SHH: variants seen among roughly 807,000 people sequenced by gnomAD.
The protein encoded by SHH is sonic hedgehog protein.
In SHH, 3 loss-of-function variants were observed where a neutral mutation model predicts 16.6. That is an observed-to-expected ratio of 0.18 (90% CI 0.08 to 0.47). The LOEUF (loss-of-function observed/expected upper bound fraction) is 0.47, where lower values mean the gene tolerates loss of function less well. Ranked by LOEUF, SHH falls within the 20% of genes least tolerant of loss-of-function variation. SHH has a pLI of 0.98. For synonymous variants in SHH, 351 were observed against 316.2 expected, an observed-to-expected ratio of 1.11 and a Z score of -1.17; for missense variants, 499 against 665.0, an observed-to-expected ratio of 0.75 and a Z score of 2.75.
At chr7:155,806,921 C>T in intron 1 of SHH, 3 of 333,474 alleles carry the variant, frequency 9.0e-6, no homozygotes, top group East Asian at 7.2e-5. Flanking sequence ...GGGGCACCCT[C>T]TGGGATACCC....
Position 155,802,891 on chromosome 7 carries a change from C to A in SHH, c.*9G>T. 7.3e-7 allele frequency: 1 copy of A among 1,361,546 alleles called. No individual in the cohort carries two copies. The highest frequency in any genetic ancestry group is 2.0e-5 in the South Asian group (1 of 49,350). 84.3% of individuals were successfully genotyped at this position (1,361,546 alleles called of 1,614,324 possible). On this transcript the variant is annotated 3_prime_UTR_variant, in exon 3 of 3. Coordinates refer to ENST00000297261, the MANE Select transcript of SHH (RefSeq NM_000193.4). ...CCCCCTCCCGCGCCCCTCCCCCGGCCCCCCGGCTTCAGCTGGACTTGACCG... is the reference window on the plus strand; with the variant it reads ...CCCCCTCCCGCGCCCCTCCCCCGGCACCCCGGCTTCAGCTGGACTTGACCG...
intron 2 of SHH, among the ~76,000 whole-genome samples, chr7:155,803,997 G>T (rs1251754531): frequency 6.6e-6 from 1 of 152,160 alleles, no homozygotes; most frequent in African/African-American, 2.4e-5. Flanking sequence ...TTCCTGCAGA[G>T]GCCGGTGACA....
In SHH at chr7:155,803,538, CCTT is replaced by C. The variant is rs1803260576; in HGVS notation, c.748_750del (p.Lys250del). 3 of 1,594,270 alleles carry C rather than the reference CCTT, an allele frequency of 1.9e-6. No individual in the cohort carries two copies. Among genetic ancestry groups the C allele is most frequent in the Non-Finnish European group, 1.7e-6 (2 of 1,176,666 alleles). On this transcript the variant is annotated inframe_deletion, in exon 3 of 3. Coordinates refer to ENST00000297261, the MANE Select transcript of SHH (RefSeq NM_000193.4). ...TCCCGCGTCTCGATCACGTAGAAGA[CCTT>C]CTTGGCGCCGTCGTCGCGGTCCAGG... is the stretch of plus-strand genomic sequence containing the variant.
At position 155,806,514 on chromosome 7, in the gene SHH, T is replaced by G. The variant is rs1803366897; in HGVS notation, c.344A>C (p.Asn115Thr). Reference sequence around the variant, plus strand: ...CCGCAGTTTCACTCCTGGCCACTGGTTCATCACCGAGATGGCCAAAGCGTT... The same window carrying G: ...CCGCAGTTTCACTCCTGGCCACTGGGTCATCACCGAGATGGCCAAAGCGTT... ...KLNALAISVMNQWPGVKLRVT... is the reference protein window; with the variant it reads ...KLNALAISVMTQWPGVKLRVT... Residue 115 changes from asparagine to threonine, a missense_variant, in exon 2 of 3, where the codon AAC (asparagine) becomes ACC (threonine). Physicochemically the swap from Asn to Thr is moderately conservative, Grantham distance 65. This residue lies in a region of SHH where 11 missense variants were observed against 48.5 expected (regional missense o/e 0.23). Transcript: ENST00000297261. 1 of 1,612,196 alleles carries G rather than the reference T, an allele frequency of 6.2e-7. No homozygotes were observed. The highest frequency in any genetic ancestry group is 8.5e-7 in the Non-Finnish European group (1 of 1,179,990).
At position 155,809,226 on chromosome 7, in the gene SHH, G is replaced by T. The variant is rs1409627628; in HGVS notation, c.300+2597C>A. ...AGCTCCTGCGTTCCGGAACTGCTCC[G>T]AAAGTTCCACTGGGGACGATCTCGC... On this transcript the variant is annotated intron_variant, in intron 1 of 2. Coordinates refer to ENST00000297261, the MANE Select transcript of SHH (RefSeq NM_000193.4). This position sits in a 1 kb window ranked among gnomAD's most constrained non-coding sequence, Gnocchi z 6.1. Among the ~76,000 whole-genome samples, 1 of 152,176 alleles carries T rather than the reference G, an allele frequency of 6.6e-6. No homozygotes were observed. Among genetic ancestry groups the T allele is most frequent in the Non-Finnish European group, 1.5e-5 (1 of 68,040 alleles).
rs112597254 is a variant in SHH, at chr7:155,801,331, G to A, written c.*1569C>T. ...TAGGAGCTTCAGAGAAGATCAAACC[G>A]GGTCCTCTCTTCTAAGGATGCTTTC... is the stretch of plus-strand genomic sequence containing the variant. On this transcript the variant is annotated 3_prime_UTR_variant, in exon 3 of 3. Coordinates refer to ENST00000297261, the MANE Select transcript of SHH (RefSeq NM_000193.4). The A allele has an allele frequency of 2.2e-4, 34 of 152,434 alleles. No homozygotes were observed. The highest frequency in any genetic ancestry group is 4.1e-4 in the Non-Finnish European group (28 of 68,134). 9.4% of individuals were successfully genotyped at this position (152,434 alleles called of 1,614,324 possible).
chr7:155,811,756 G>C, intron 1 of SHH, 67 bp downstream of exon 1: 1 of 1,478,828 alleles, frequency 6.8e-7, no homozygotes, highest in East Asian at 2.3e-5. Flanking sequence ...GTTAAGTCTG[G>C]AAGTGTTCGG....
intron 2 of SHH, among the ~76,000 whole-genome samples, chr7:155,805,032 C>T (rs974128793): frequency 2.6e-5 from 4 of 152,174 alleles, no homozygotes; most frequent in Non-Finnish European, 4.4e-5. Context: ...ACACGCTGCG[C>T]CCCGCGCCCC....
At position 155,806,290 on chromosome 7, in the gene SHH, G is replaced by A. The variant is rs1182675193; in HGVS notation, c.562+6C>T. 2 of 1,613,138 alleles carry A rather than the reference G, an allele frequency of 1.2e-6. No individual in the cohort carries two copies. Among genetic ancestry groups the A allele is most frequent in the Non-Finnish European group, 1.7e-6 (2 of 1,180,036 alleles). The stretch of plus-strand genomic sequence containing the variant: ...GGTCGGATCCGGGGGGCCAGGGCCA[G>A]CTTACCTGCTTTCACCGAGCAGTGG... On this transcript the variant is annotated splice_donor_region_variant and intron_variant, in intron 2 of 2. Coordinates refer to ENST00000297261, the MANE Select transcript of SHH (RefSeq NM_000193.4).
chr7:155,806,383 C>G lies in SHH; in HGVS notation c.475G>C (p.Gly159Arg). ...TCCACCGCCAGGCGGGCCAGCATGCCGTACTTGCTGCGGTCGCGGTCAGAC... is the reference window on the plus strand; with the variant it reads ...TCCACCGCCAGGCGGGCCAGCATGCGGTACTTGCTGCGGTCGCGGTCAGAC... ...TTSDRDRSKY[G>R]MLARLAVEAG... The change falls in exon 2 of 3, where the codon GGC (glycine) becomes CGC (arginine). Residue 159 changes from glycine (G) to arginine (R), a missense_variant. This residue lies in a region of SHH where 114 missense variants were observed against 200.4 expected (regional missense o/e 0.57). Coordinates refer to ENST00000297261, the MANE Select transcript of SHH (RefSeq NM_000193.4). 3 of 1,613,740 alleles carry G rather than the reference C, an allele frequency of 1.9e-6. No homozygotes were observed. Among genetic ancestry groups the G allele is most frequent in the Non-Finnish European group, 2.5e-6 (3 of 1,180,044 alleles).
chr7:155,800,802 G>A lies in SHH; in HGVS notation c.*2098C>T, dbSNP rs1487981362. On this transcript the variant is annotated 3_prime_UTR_variant, in exon 3 of 3. Coordinates refer to ENST00000297261, the MANE Select transcript of SHH (RefSeq NM_000193.4). ...GCCACTCAAGGGCAGACCCGTAGCA[G>A]AGCAGACCCTCAGGGACTGGGCCCA... 1 of 366,098 alleles carries A rather than the reference G, an allele frequency of 2.7e-6. No homozygotes were observed. 22.7% of individuals were successfully genotyped at this position (366,098 alleles called of 1,614,324 possible).
chr7:155,811,486 C>G (rs374072585), intron 1 of SHH, among the ~76,000 whole-genome samples: 1 of 152,186 alleles, frequency 6.6e-6, no homozygotes, highest in Non-Finnish European at 1.5e-5. Flanking sequence ...AAAGGGCCGA[C>G]GCCCCCAAAG....
chr7:155,807,182 C>A lies in SHH; in HGVS notation c.301-625G>T, dbSNP rs570511287. ...AGGCGAGAAGCCGCTGGCGGGGCTG[C>A]GCGGTGGGCGGGAGCCTGGGTGGCA... On this transcript the variant is annotated intron_variant, in intron 1 of 2. Coordinates refer to ENST00000297261, the MANE Select transcript of SHH (RefSeq NM_000193.4). This position sits in a 1 kb window ranked among gnomAD's most constrained non-coding sequence, Gnocchi z 7.1. The A allele has an allele frequency of 1.4e-3, 222 of 158,538 alleles. 1 individual carries two copies. The highest frequency in any genetic ancestry group is 4.9e-3 in the African/African-American group (202 of 41,584). The allele number at this position is 158,538 out of a possible 1,614,324, so 9.8% of individuals were successfully genotyped here.
In SHH at chr7:155,803,656, G is replaced by C; in HGVS notation, c.633C>G (p.Gly211=). The C allele has an allele frequency of 6.3e-7, 1 of 1,597,856 alleles. No individual in the cohort carries two copies. Among genetic ancestry groups the C allele is most frequent in the East Asian group, 2.2e-5 (1 of 44,822 alleles). The change falls in exon 3 of 3, where the codon GGC becomes GGG. Residue 211 remains glycine, a synonymous_variant. Transcript: ENST00000297261. ...GSATVHLEQG[G]TKLVKDLSPG... ...GGCTCAGGTCCTTCACCAGCTTGGT[G>C]CCGCCCTGCTCCAGGTGCACCGTGG...
chr7:155,810,340 G>A (rs905588217), intron 1 of SHH, among the ~76,000 whole-genome samples: 3 of 152,246 alleles, frequency 2.0e-5, no homozygotes, highest in African/African-American at 7.2e-5. Context: ...TCTCTCCGCA[G>A]TGCCTCCCTC....
At chr7:155,804,901 C>G (rs1290183922) in intron 2 of SHH, among the ~76,000 whole-genome samples, 1 of 152,224 alleles carries the variant, frequency 6.6e-6, no homozygotes, top group Non-Finnish European at 1.5e-5. Context: ...GGCTTTTAAT[C>G]TTCTCATCGG....
In SHH at chr7:155,803,781, G is replaced by C; in HGVS notation, c.563-55C>G. ...GGACAGGGCATTGAGTTCCGAGAGG[G>C]AGGCGCGTCTCGGGGAGGAGGGCGC... On this transcript the variant is annotated intron_variant, in intron 2 of 2. Coordinates refer to ENST00000297261, the MANE Select transcript of SHH (RefSeq NM_000193.4). 3 of 1,469,344 alleles carry C rather than the reference G, an allele frequency of 2.0e-6. No homozygotes were observed. The South Asian group carries it at 3.4e-5, about 17-fold the overall frequency. The allele number at this position is 1,469,344 out of a possible 1,614,324, so 91.0% of individuals were successfully genotyped here. A position where few individuals can be genotyped will look rare whatever the true frequency, so the allele number is the denominator to read the frequency against.
chr7:155,808,351 C>T (rs1803420418), intron 1 of SHH, among the ~76,000 whole-genome samples: 1 of 152,266 alleles, frequency 6.6e-6, no homozygotes, highest in Non-Finnish European at 1.5e-5. Flanking sequence ...CCGCAGCTCC[C>T]TCCCCTGGGG....
At chr7:155,808,845 GCGAGTGTCA>G (rs1803435789) in intron 1 of SHH, 1 of 152,256 alleles carries the variant, frequency 6.6e-6, no homozygotes, top group Non-Finnish European at 1.5e-5. Context: ...AGCCGCGCCG[GCGAGTGTCA>G]CCGCCAGCAG....
Sources: gnomAD v4.1 joint callset for allele counts (sites outside exome capture counted in the v4.1 genomes callset) on GRCh38, gnomAD v4.1.1 for gene constraint, gnomAD v4.1.1 regional missense constraint, Gnocchi (gnomAD v3.1) non-coding constraint, MANE v1.5 for transcripts, NCBI Gene and HGNC (gene_info 2026-07-23, HGNC 2026-07-21) for gene names.